MGAT4C: variants seen among roughly 807,000 people sequenced by gnomAD.
MGAT4C encodes MGAT4 family member C.
Under a neutral mutation model 40.1 loss-of-function variants are expected in MGAT4C, and 19 were observed. The ratio of observed to expected loss-of-function variants is 0.47; its 90% confidence interval spans 0.33 to 0.70. The LOEUF (loss-of-function observed/expected upper bound fraction) is 0.70. Among genes scored for constraint, MGAT4C ranks in the 30% least tolerant of loss-of-function variants. The pLI is 0.02. For missense variants in MGAT4C, 491 were observed against 563.2 expected (o/e 0.87, Z 1.30); for synonymous variants, 181 against 187.1 (o/e 0.97, Z 0.27).
At chr12:86,282,259 T>G (rs1566256109) in intron 4 of MGAT4C, among the ~76,000 whole-genome samples, 1 of 152,142 alleles carries the variant, frequency 6.6e-6, no homozygotes, top group East Asian at 1.9e-4. Flanking sequence ...CTTATTTTAT[T>G]TAACACTCTT....
At chr12:86,305,877 G>A (rs775264824) in intron 4 of MGAT4C, among the ~76,000 whole-genome samples, 1 of 150,434 alleles carries the variant, frequency 6.6e-6, no homozygotes, top group East Asian at 2.0e-4. Flanking sequence ...CCAGGGATGC[G>A]ATATCAGTGG....
intron 2 of MGAT4C, among the ~76,000 whole-genome samples, chr12:86,726,279 C>G (rs1191651711): frequency 6.6e-6 from 1 of 152,130 alleles, no homozygotes; most frequent in Non-Finnish European, 1.5e-5. Flanking sequence ...TTATTTCCTA[C>G]AAAAATGTTT....
chr12:86,381,047 C>T (rs939839350), intron 3 of MGAT4C, among the ~76,000 whole-genome samples: 1 of 152,042 alleles, frequency 6.6e-6, no homozygotes, highest in Admixed American at 6.6e-5. Context: ...TAGAAACTGA[C>T]AGTTTAACAG....
intron 2 of MGAT4C, among the ~76,000 whole-genome samples, chr12:86,669,520 C>T (rs1030731635): frequency 1.3e-5 from 2 of 152,202 alleles, no homozygotes; most frequent in African/African-American, 4.8e-5. Context: ...GGCTGTCCCC[C>T]ATCCCCATGC....
intron 1 of MGAT4C, among the ~76,000 whole-genome samples, chr12:86,728,352 C>G (rs190401034): frequency 2.6e-5 from 4 of 152,034 alleles, no homozygotes; most frequent in African/African-American, 9.6e-5. Context: ...GAAATGTTGG[C>G]TATTAAAGAA....
intron 1 of MGAT4C, among the ~76,000 whole-genome samples, chr12:86,804,185 A>C (rs1294779439): frequency 4.6e-5 from 7 of 150,648 alleles, no homozygotes; most frequent in Non-Finnish European, 8.9e-5. Flanking sequence ...CAAACACTGC[A>C]TATTCTCACT....
chr12:86,007,805 T>A (rs762157804), intron 2 of MGAT4C, among the ~76,000 whole-genome samples: 3 of 152,044 alleles, frequency 2.0e-5, no homozygotes. Flanking sequence ...CTAATTAGTA[T>A]CATGGAAATA....
chr12:86,199,002 A>G (rs1319835434), intron 1 of MGAT4C, among the ~76,000 whole-genome samples: 1 of 152,208 alleles, frequency 6.6e-6, no homozygotes, highest in Non-Finnish European at 1.5e-5. Flanking sequence ...TGAAAATAAC[A>G]CACTATTAAA....
intron 1 of MGAT4C, among the ~76,000 whole-genome samples, chr12:86,111,247 T>C (rs995018331): frequency 2.0e-5 from 3 of 151,748 alleles, no homozygotes; most frequent in African/African-American, 4.8e-5. Flanking sequence ...GTTAATGGCA[T>C]AAGAAAATGA....
chr12:86,239,972 C>A lies in MGAT4C; in HGVS notation c.-57+16267G>T, dbSNP rs1027830507. On this transcript the variant is annotated intron_variant, in intron 1 of 4. Coordinates refer to ENST00000611864, the MANE Select transcript of MGAT4C (RefSeq NM_001351288.2). ...AGCGCACCAGCATGGCACATGTATA[C>A]ATATGTAACTAACCTGCACAATGTG... Among the ~76,000 whole-genome samples, 31 of 149,462 alleles carry A rather than the reference C, an allele frequency of 2.1e-4. No homozygotes were observed. The Middle Eastern group carries it at 0.01, about 51-fold the overall frequency.
chr12:86,289,081 G>C (rs879780797), intron 4 of MGAT4C, among the ~76,000 whole-genome samples: 16 of 151,980 alleles, frequency 1.1e-4, no homozygotes, highest in Middle Eastern at 3.2e-3. Flanking sequence ...CTTGATTTTT[G>C]TATATGGTGT....
rs1455149331 is a variant in MGAT4C, at chr12:85,963,485, A to T, written c.*15804T>A. 6.6e-6 allele frequency: 1 copy of T among 151,974 alleles called. No individual in the cohort carries two copies. Among genetic ancestry groups the T allele is most frequent in the East Asian group, 1.9e-4 (1 of 5,192 alleles). 9.4% of individuals were successfully genotyped at this position (151,974 alleles called of 1,614,324 possible). ...ACAGAGTTTGCTTATAAGCTCAGGA[A>T]GCTTAAAGATCTGCTAAAGATTATG... is the stretch of plus-strand genomic sequence containing the variant. On this transcript the variant is annotated 3_prime_UTR_variant, in exon 5 of 5. Transcript: ENST00000611864.
chr12:86,297,056 C>G (rs1953699756), intron 4 of MGAT4C, among the ~76,000 whole-genome samples: 1 of 152,058 alleles, frequency 6.6e-6, no homozygotes. Context: ...AAAATATTTC[C>G]CTAGTGAAGT....
intron 2 of MGAT4C, among the ~76,000 whole-genome samples, chr12:86,668,399 C>CCA (rs1260433200): frequency 6.6e-6 from 1 of 152,152 alleles, no homozygotes; most frequent in Non-Finnish European, 1.5e-5. Flanking sequence ...ATTCACCTTT[C>CCA]CACCTGGGAT....
intron 2 of MGAT4C, among the ~76,000 whole-genome samples, chr12:86,580,996 C>G (rs1960757627): frequency 6.6e-6 from 1 of 151,482 alleles, no homozygotes; most frequent in African/African-American, 2.4e-5. Context: ...TACCAGTGTG[C>G]TGGCATAGTG....
At position 86,289,772 on chromosome 12, in the gene MGAT4C, C is replaced by T. The variant is rs1404655560; in HGVS notation, c.-57+44293G>A. ...ACTGGCTTTGTATCCTGAGACTTTG[C>T]TAACGTGTTATTTTGCTTTACTATT... On this transcript the variant is annotated intron_variant, in intron 4 of 7. Coordinates refer to the MGAT4C transcript ENST00000548651. Among the ~76,000 whole-genome samples the T allele has an allele frequency of 3.3e-5, 5 of 152,084 alleles. No individual in the cohort carries two copies. In the East Asian group the frequency reaches 7.7e-4, roughly 24 times the overall value.
intron 3 of MGAT4C, among the ~76,000 whole-genome samples, chr12:86,423,322 C>A (rs1432022479): frequency 2.0e-5 from 3 of 151,330 alleles, no homozygotes; most frequent in Non-Finnish European, 4.4e-5. Context: ...TTATTATTGT[C>A]ATTTAACATA....
At chr12:86,814,976 TAAGAA>T (rs1164230721) in intron 1 of MGAT4C, among the ~76,000 whole-genome samples, 1 of 152,040 alleles carries the variant, frequency 6.6e-6, no homozygotes, top group African/African-American at 2.4e-5. Flanking sequence ...CTGAGTAAAT[TAAGAA>T]ATCAATTATA....
chr12:86,154,019 C>T (rs538103072), intron 1 of MGAT4C, among the ~76,000 whole-genome samples: 10 of 152,118 alleles, frequency 6.6e-5, no homozygotes, highest in East Asian at 3.9e-4. Flanking sequence ...AATCAAAAGA[C>T]GCTGAAAAGA....
Sources: allele counts gnomAD v4.1 joint callset (sites outside exome capture counted in the v4.1 genomes callset), GRCh38; gene constraint gnomAD v4.1.1; transcripts MANE v1.5; gene names NCBI Gene and HGNC (gene_info 2026-07-23, HGNC 2026-07-21).